Variants in ARHGAP35 observed in about 807,000 individuals in gnomAD.
The protein encoded by ARHGAP35 is Rho GTPase activating protein 35.
ARHGAP35 carries 15 observed loss-of-function variants against 111.1 expected under a neutral mutation model. That is an observed-to-expected ratio of 0.13 (90% CI 0.09 to 0.21). The LOEUF (loss-of-function observed/expected upper bound fraction) is 0.21. ARHGAP35 is among the 10% of genes least tolerant of loss of function. ARHGAP35 has a pLI of 1.00. For synonymous variants in ARHGAP35, 643 were observed against 710.3 expected, an observed-to-expected ratio of 0.91 and a Z score of 1.51; for missense variants, 1,262 against 1,873.0, an observed-to-expected ratio of 0.67 and a Z score of 6.02.
intron 1 of ARHGAP35, among the ~76,000 whole-genome samples, chr19:46,887,735 TCTC>T (rs1318975437): frequency 1.3e-5 from 2 of 152,076 alleles, no homozygotes; most frequent in African/African-American, 4.8e-5. Flanking sequence ...ATCGGGGTAT[TCTC>T]CTGCTACACC....
At chr19:46,912,808 A>G (rs775847636) in intron 1 of ARHGAP35, among the ~76,000 whole-genome samples, 4 of 150,316 alleles carry the variant, frequency 2.7e-5, no homozygotes, top group East Asian at 3.9e-4. Flanking sequence ...CCACCCCCCA[A>G]CTGAGTCTTT....
At chr19:46,882,596 T>C (rs1258089664) in intron 1 of ARHGAP35, among the ~76,000 whole-genome samples, 2 of 152,218 alleles carry the variant, frequency 1.3e-5, no homozygotes, top group Non-Finnish European at 2.9e-5. Context: ...CGACCTGTCA[T>C]CTAGGTTTTA....
At chr19:46,942,815 C>T (rs62136800) in intron 3 of ARHGAP35, among the ~76,000 whole-genome samples, 1 of 42,290 alleles carries the variant, frequency 2.4e-5, no homozygotes, top group Admixed American at 3.2e-4. Context: ...GACCCTGTCT[C>T]AGAAAAAAAA....
intron 1 of ARHGAP35, among the ~76,000 whole-genome samples, chr19:46,876,717 A>G (rs1221626478): frequency 6.6e-6 from 1 of 151,660 alleles, no homozygotes; most frequent in Non-Finnish European, 1.5e-5. Context: ...TGTGTTGCCC[A>G]GGCTGGTCTT....
rs763967594 is a variant in ARHGAP35, at chr19:46,988,045, C to T, written c.3883C>T (p.Leu1295=). The T allele has an allele frequency of 6.2e-7, 1 of 1,613,872 alleles. No individual in the cohort carries two copies. The highest frequency in any genetic ancestry group is 2.2e-5 in the East Asian group (1 of 44,876). The stretch of plus-strand genomic sequence containing the variant: ...CGGGAACAAGTCTGAGATGGAGAGT[C>T]TGCAGAGACAGTTTGATCAAGGTAA... The part of the protein sequence containing the change: ...VSGNKSEMES[L]QRQFDQDHNL... The change falls in exon 4 of 7, where the codon CTG becomes TTG. Residue 1295 remains leucine, a synonymous_variant. Transcript: ENST00000672722. The surrounding 1 kb of genome is among the most constrained non-coding windows in gnomAD (Gnocchi z 5.4).
intron 3 of ARHGAP35, among the ~76,000 whole-genome samples, chr19:46,960,310 A>C (rs1013001857): frequency 6.6e-6 from 1 of 152,136 alleles, no homozygotes; most frequent in East Asian, 1.9e-4. Context: ...AACAAAAGGA[A>C]TACATGTCTC....
At chr19:46,895,318 C>T (rs2056048097) in intron 1 of ARHGAP35, among the ~76,000 whole-genome samples, 1 of 152,124 alleles carries the variant, frequency 6.6e-6, no homozygotes, top group African/African-American at 2.4e-5. Flanking sequence ...CGCTCACCAC[C>T]ACGCCCGGCT....
intron 1 of ARHGAP35, among the ~76,000 whole-genome samples, chr19:46,884,932 G>C (rs2055985951): frequency 6.6e-6 from 1 of 152,118 alleles, no homozygotes; most frequent in Non-Finnish European, 1.5e-5. Flanking sequence ...TGCCCAGGCT[G>C]GTCTCAAACC....
At chr19:46,955,052 C>T (rs2056431781) in intron 3 of ARHGAP35, among the ~76,000 whole-genome samples, 1 of 152,136 alleles carries the variant, frequency 6.6e-6, no homozygotes, top group Non-Finnish European at 1.5e-5. Flanking sequence ...TAGTCTTAGG[C>T]ATAGTTCTGG....
rs1181954009 is a variant in ARHGAP35, at chr19:47,001,271, T to C, written c.*583T>C. 9 of 1,289,706 alleles carry C rather than the reference T, an allele frequency of 7.0e-6. No individual in the cohort carries two copies. Among genetic ancestry groups the C allele is most frequent in the Non-Finnish European group, 8.1e-6 (8 of 989,236 alleles). The allele number at this position is 1,289,706 out of a possible 1,614,324, so 79.9% of individuals were successfully genotyped here. On this transcript the variant is annotated 3_prime_UTR_variant, in exon 7 of 7. Transcript: ENST00000672722. The surrounding 1 kb of genome is among the most constrained non-coding windows in gnomAD (Gnocchi z 5.4). The stretch of plus-strand genomic sequence containing the variant: ...CTCTGCAGATCAGAACAACGGAGGA[T>C]AGCTTTGTGCCTGGACCCAGAGAGT...
intron 5 of ARHGAP35, among the ~76,000 whole-genome samples, chr19:46,990,211 C>A (rs2056672572): frequency 6.6e-6 from 1 of 152,180 alleles, no homozygotes; most frequent in South Asian, 2.1e-4. Context: ...ACTCCAGTGG[C>A]CCTGGCCAAG....
chr19:46,881,723 T>C (rs1004753809), intron 1 of ARHGAP35, among the ~76,000 whole-genome samples: 2 of 152,222 alleles, frequency 1.3e-5, no homozygotes, highest in African/African-American at 4.8e-5. Flanking sequence ...AGTTACTAGC[T>C]GCATTTGTCT....
At chr19:46,887,429 T>C (rs1301852151) in intron 1 of ARHGAP35, among the ~76,000 whole-genome samples, 1 of 152,202 alleles carries the variant, frequency 6.6e-6, no homozygotes, top group Non-Finnish European at 1.5e-5. Flanking sequence ...CATGGTTATG[T>C]GAACATTAGG....
intron 3 of ARHGAP35, among the ~76,000 whole-genome samples, chr19:46,959,169 T>G (rs2056461382): frequency 6.6e-6 from 1 of 152,078 alleles, no homozygotes; most frequent in African/African-American, 2.4e-5. Context: ...CAACCTTGAC[T>G]TCCTGGGCTC....
At chr19:46,973,154 G>A (rs1210468359) in intron 3 of ARHGAP35, among the ~76,000 whole-genome samples, 1 of 151,732 alleles carries the variant, frequency 6.6e-6, no homozygotes, top group Admixed American at 6.6e-5. Context: ...CCTGAGGTCA[G>A]GAATTCAAGA....
At chr19:46,947,624 C>T (rs530573333) in intron 3 of ARHGAP35, 1 of 152,308 alleles carries the variant, frequency 6.6e-6, no homozygotes, top group Non-Finnish European at 1.5e-5. Context: ...TTTCCCCACA[C>T]ACCAGGCACC....
At chr19:46,879,658 A>G (rs968945336) in intron 1 of ARHGAP35, among the ~76,000 whole-genome samples, 2 of 102,928 alleles carry the variant, frequency 1.9e-5, no homozygotes, top group Non-Finnish European at 4.3e-5. Flanking sequence ...GTGGTGAGCA[A>G]CTGTAGTCCC....
At chr19:46,884,283 G>T (rs1390467415) in intron 1 of ARHGAP35, among the ~76,000 whole-genome samples, 1 of 151,996 alleles carries the variant, frequency 6.6e-6, no homozygotes, top group Non-Finnish European at 1.5e-5. Context: ...CTACACTCCA[G>T]CCTGGGCAAC....
Position 46,981,506 on chromosome 19 carries a change from C to G in ARHGAP35, c.3827-6483C>G, listed in dbSNP as rs866868003. Among the ~76,000 whole-genome samples the G allele has an allele frequency of 3.9e-5, 6 of 152,328 alleles. No individual in the cohort carries two copies. The South Asian group carries it at 6.2e-4, about 16-fold the overall frequency. On this transcript the variant is annotated intron_variant, in intron 3 of 6. Coordinates refer to ENST00000672722, the MANE Select transcript of ARHGAP35 (RefSeq NM_004491.5). ...CTGGTGTGAAGGAGCAGAGGCGAAG[C>G]CTGACGCTGGCCGACAGCACTGCTG...
Sources: allele counts gnomAD v4.1 joint callset (sites outside exome capture counted in the v4.1 genomes callset), GRCh38; gene constraint gnomAD v4.1.1; non-coding constraint Gnocchi (gnomAD v3.1); transcripts MANE v1.5; gene names NCBI Gene and HGNC (gene_info 2026-07-23, HGNC 2026-07-21).